The following ZC3H7A variants were observed in gnomAD, a reference collection of about 807,000 sequenced individuals.
ZC3H7A encodes the protein zinc finger CCCH-type containing 7A, also known as zinc finger CCCH domain-containing protein 7A.
Under a neutral mutation model 125.5 loss-of-function variants are expected in ZC3H7A, and 44 were observed. That is an observed-to-expected ratio of 0.35 (90% confidence interval 0.28 to 0.45). ZC3H7A has a LOEUF of 0.45. Among genes scored for constraint, ZC3H7A ranks in the 20% least tolerant of loss-of-function variants. ZC3H7A has a pLI of 1.00. For missense variants in ZC3H7A, 977 were observed against 1,170.7 expected (o/e 0.83, Z 2.41); for synonymous variants, 399 against 391.2 (o/e 1.02, Z -0.23).
chr16:11,788,192 G>C (rs1417428292), intron 1 of ZC3H7A, among the ~76,000 whole-genome samples: 1 of 151,974 alleles, frequency 6.6e-6, no homozygotes, highest in Non-Finnish European at 1.5e-5. Context: ...CCACCTCACA[G>C]CCTGGGCTAG....
In ZC3H7A at chr16:11,776,323, G is replaced by C. The variant is rs536053098; in HGVS notation, c.582C>G (p.Thr194=). 6.2e-7 allele frequency: 1 copy of C among 1,606,030 alleles called. No homozygotes were observed. Among genetic ancestry groups the C allele is most frequent in the Non-Finnish European group, 8.5e-7 (1 of 1,177,980 alleles). The change falls in exon 7 of 23, where the codon ACC becomes ACG. Residue 194 remains threonine, a synonymous_variant. Transcript: ENST00000355758. ...TTGACAGAAAAAATAACTTTACCTT[G>C]GTAGCCCCATCCCCAGGAACTGATT... ...SLKSVPGDGA[T]KALNHSVEDI... is the part of the protein sequence containing the mutation.
chr16:11,792,642 T>C (rs1019649831), intron 1 of ZC3H7A, among the ~76,000 whole-genome samples: 5 of 152,240 alleles, frequency 3.3e-5, no homozygotes, highest in Admixed American at 2.6e-4. Flanking sequence ...TTAATCCTCC[T>C]GCTAACCTTA....
rs2053456274 is a variant in ZC3H7A at position 11,797,179 on chromosome 16, AGGCGGGCAGCGGTGGCGGCGGCG to A, written c.-113_-91del. The A allele has an allele frequency of 6.5e-6, 1 of 154,456 alleles. No homozygotes were observed. The highest frequency in any genetic ancestry group is 2.5e-5 in the African/African-American group (1 of 40,812). 9.6% of individuals were successfully genotyped at this position (154,456 alleles called of 1,614,324 possible). A position where few individuals can be genotyped will look rare whatever the true frequency, so the allele number is the denominator to read the frequency against. ...AAGGCAGGCGGAGGCGGGCGGCGGC[AGGCGGGCAGCGGTGGCGGCGGCG>A]GCGGCGGGGCCTGGGTGCTCGCTCG... On this transcript the variant is annotated 5_prime_UTR_variant, in exon 1 of 23. Transcript: ENST00000355758.
intron 22 of ZC3H7A, 115 bp from the exon 23 acceptor site, chr16:11,751,621 A>T: frequency 9.8e-7 from 1 of 1,019,390 alleles, no homozygotes; most frequent in East Asian, 2.6e-5. Flanking sequence ...ACTTTTAGTT[A>T]GGAATCTCAA....
intron 19 of ZC3H7A, 68 bp from the exon 20 acceptor site, chr16:11,758,607 T>A: frequency 9.1e-7 from 1 of 1,098,692 alleles, no homozygotes; most frequent in East Asian, 2.4e-5. Context: ...TTTTTACATT[T>A]AAGCAAAAGA....
chr16:11,785,155 T>C (rs2053237442), intron 1 of ZC3H7A, among the ~76,000 whole-genome samples: 2 of 150,634 alleles, frequency 1.3e-5, no homozygotes, highest in South Asian at 4.2e-4. Context: ...TGAAATTCCA[T>C]CTCAAAATAA....
intron 13 of ZC3H7A, among the ~76,000 whole-genome samples, chr16:11,766,816 G>C (rs1201550803): frequency 6.6e-6 from 1 of 152,180 alleles, no homozygotes; most frequent in African/African-American, 2.4e-5. Flanking sequence ...CCAGAAGGCA[G>C]AGGTTGCAGT....
chr16:11,752,997 G>C (rs2052577654), intron 21 of ZC3H7A, 165 bp from the exon 22 acceptor site: 1 of 750,048 alleles, frequency 1.3e-6, no homozygotes, highest in Non-Finnish European at 2.1e-6. Context: ...CAGCACTCAG[G>C]ACACAGAGAA....
At position 11,768,488 on chromosome 16, in the gene ZC3H7A, C is replaced by T. The variant is rs146894114; in HGVS notation, c.1187G>A (p.Gly396Asp). 42 of 1,471,322 alleles carry T rather than the reference C, an allele frequency of 2.9e-5. No individual in the cohort carries two copies. The highest frequency in any genetic ancestry group is 4.8e-5 in the East Asian group (2 of 41,778). 91.1% of individuals were successfully genotyped at this position (1,471,322 alleles called of 1,614,324 possible). Residue 396 changes from glycine (G) to aspartate (D), a missense_variant, in exon 12 of 23, where the codon GGT (glycine) becomes GAT (aspartate). Coordinates refer to ENST00000355758, the MANE Select transcript of ZC3H7A (RefSeq NM_014153.4). Reference protein sequence around the residue: ...NSSLLLMNGPGSLFASENFLG... With the variant: ...NSSLLLMNGPDSLFASENFLG... ...GAAATTCTCTGAAGCAAACAAACTACCTGGTCCATTCATCTGCAAGAAAAA... is the reference window on the plus strand; with the variant it reads ...GAAATTCTCTGAAGCAAACAAACTATCTGGTCCATTCATCTGCAAGAAAAA...
chr16:11,774,427 G>A lies in ZC3H7A; in HGVS notation c.712C>T (p.Pro238Ser). The change falls in exon 9 of 23, where the codon CCT (proline) becomes TCT (serine). Residue 238 changes from proline to serine, a missense_variant. By Grantham distance (74) the Pro-to-Ser change is moderately conservative (BLOSUM62 -1). Coordinates refer to ENST00000355758, the MANE Select transcript of ZC3H7A (RefSeq NM_014153.4). Reference protein sequence around the residue: ...HEVGSELASVPVMPLTSILPL... With the variant: ...HEVGSELASVSVMPLTSILPL... Reference sequence around the variant, plus strand: ...AAAATAGAAGTTAAGGGCATAACAGGAACTGAGGCCAGCTCACTTCCAACT... The same window carrying A: ...AAAATAGAAGTTAAGGGCATAACAGAAACTGAGGCCAGCTCACTTCCAACT... 3 of 1,610,330 alleles carry A rather than the reference G, an allele frequency of 1.9e-6. No homozygotes were observed. The highest frequency in any genetic ancestry group is 2.5e-6 in the Non-Finnish European group (3 of 1,177,372).
intron 20 of ZC3H7A, among the ~76,000 whole-genome samples, chr16:11,757,420 C>T (rs990569198): frequency 2.1e-5 from 3 of 139,766 alleles, no homozygotes; most frequent in Admixed American, 7.8e-5. Flanking sequence ...GGAGGCGGAG[C>T]TTGCAGTGAC....
At chr16:11,788,670 G>C (rs1029881181) in intron 1 of ZC3H7A, among the ~76,000 whole-genome samples, 1 of 149,266 alleles carries the variant, frequency 6.7e-6, no homozygotes, top group African/African-American at 2.5e-5. Context: ...CTGGAGTGTA[G>C]TGGCGTGATC....
At chr16:11,771,507 CTT>C (rs904885075) in intron 9 of ZC3H7A, among the ~76,000 whole-genome samples, 1 of 148,094 alleles carries the variant, frequency 6.8e-6, no homozygotes, top group Non-Finnish European at 1.5e-5. Flanking sequence ...GGATGTCTAA[CTT>C]TTTTTTTTTG....
At chr16:11,769,655 G>A (rs1180303738) in intron 10 of ZC3H7A, among the ~76,000 whole-genome samples, 1 of 120,410 alleles carries the variant, frequency 8.3e-6, no homozygotes, top group Non-Finnish European at 1.6e-5. Flanking sequence ...AGGTTGCAGT[G>A]AGCCAAGATT....
intron 2 of ZC3H7A, among the ~76,000 whole-genome samples, chr16:11,781,995 G>A (rs1167617212): frequency 6.6e-6 from 1 of 152,110 alleles, no homozygotes; most frequent in Non-Finnish European, 1.5e-5. Flanking sequence ...TTCATTTTCA[G>A]TCACTTTCCA....
intron 13 of ZC3H7A, among the ~76,000 whole-genome samples, chr16:11,766,698 C>G (rs2052864334): frequency 6.6e-6 from 1 of 152,198 alleles, no homozygotes; most frequent in South Asian, 2.1e-4. Context: ...GCCTAGGCAA[C>G]ATAGTGAAAC....
At chr16:11,788,547 A>G (rs977378065) in intron 1 of ZC3H7A, among the ~76,000 whole-genome samples, 2 of 151,492 alleles carry the variant, frequency 1.3e-5, no homozygotes, top group Non-Finnish European at 2.9e-5. Flanking sequence ...GCCCTCCTGG[A>G]GGGCCACCAA....
Position 11,769,017 on chromosome 16 carries a change from G to A in ZC3H7A, c.1173+14C>T, listed in dbSNP as rs368067153. The A allele has an allele frequency of 6.3e-7, 1 of 1,599,910 alleles. No homozygotes were observed. Among genetic ancestry groups the A allele is most frequent in the South Asian group, 1.1e-5 (1 of 88,408 alleles). ...TTCAAGCGATGTATTTACAAAAGAG[G>A]AAGTGGCACTTACAAGTAAAAGGGA... On this transcript the variant is annotated intron_variant, in intron 11 of 22. Coordinates refer to ENST00000355758, the MANE Select transcript of ZC3H7A (RefSeq NM_014153.4).
intron 18 of ZC3H7A, 111 bp from the exon 19 acceptor site, chr16:11,761,622 G>A: frequency 9.2e-7 from 1 of 1,090,118 alleles, no homozygotes; most frequent in Non-Finnish European, 1.3e-6. Context: ...TTTTCTCAAT[G>A]CTTCTAAAAG....
Sources: gnomAD v4.1 joint callset for allele counts (sites outside exome capture counted in the v4.1 genomes callset) on GRCh38, gnomAD v4.1.1 for gene constraint, MANE v1.5 for transcripts, NCBI Gene and HGNC (gene_info 2026-07-23, HGNC 2026-07-21) for gene names.